The following ZNF724 variants were observed in gnomAD, a reference collection of about 807,000 sequenced individuals.
The protein encoded by ZNF724 is zinc finger protein 724 pseudogene.
ZNF724 carries 14 observed loss-of-function variants against 29.3 expected under a neutral mutation model. That is an observed-to-expected ratio of 0.48 (90% CI 0.32 to 0.75). ZNF724 has a LOEUF of 0.75. Ranked by LOEUF, ZNF724 falls within the 30% of genes least tolerant of loss-of-function variation. ZNF724 has a pLI of 0.04. For missense variants in ZNF724, 557 were observed against 571.2 expected (o/e 0.98, Z 0.25); for synonymous variants, 180 against 193.6 (o/e 0.93, Z 0.58).
At chr19:23,237,014 C>CA (rs1972033358) in intron 1 of ZNF724, among the ~76,000 whole-genome samples, 1 of 151,800 alleles carries the variant, frequency 6.6e-6, no homozygotes, top group East Asian at 1.9e-4. Flanking sequence ...CACCACCCCC[C>CA]GCTAATTTTT....
At chr19:23,243,268 A>C (rs1032283030) in intron 1 of ZNF724, among the ~76,000 whole-genome samples, 1 of 151,566 alleles carries the variant, frequency 6.6e-6, no homozygotes, top group African/African-American at 2.4e-5. Context: ...CCTTGAGGTC[A>C]GGAGCTCCAG....
At chr19:23,227,562 A>C (rs1456895760) in intron 3 of ZNF724, among the ~76,000 whole-genome samples, 3 of 109,082 alleles carry the variant, frequency 2.8e-5, no homozygotes, top group African/African-American at 8.1e-5. Context: ...TCTCAAAAAA[A>C]AAAAAAAACA....
intron 1 of ZNF724, among the ~76,000 whole-genome samples, chr19:23,237,578 T>C (rs1972041777): frequency 6.6e-6 from 1 of 152,026 alleles, no homozygotes; most frequent in African/African-American, 2.4e-5. Flanking sequence ...AAATAAATAT[T>C]GTGGTCTTAT....
intron 1 of ZNF724, among the ~76,000 whole-genome samples, chr19:23,242,187 C>T (rs1000673735): frequency 7.2e-5 from 11 of 152,056 alleles, no homozygotes; most frequent in African/African-American, 1.2e-4. Flanking sequence ...AAGATCTCTA[C>T]GACAACAATT....
intron 1 of ZNF724, among the ~76,000 whole-genome samples, chr19:23,243,328 A>T (rs951965039): frequency 9.3e-5 from 14 of 150,832 alleles, no homozygotes; most frequent in Non-Finnish European, 1.5e-4. Flanking sequence ...AAATACAAAA[A>T]CTAGCCAGGC....
intron 1 of ZNF724, among the ~76,000 whole-genome samples, chr19:23,233,656 A>C (rs963561697): frequency 6.6e-6 from 1 of 152,206 alleles, no homozygotes; most frequent in East Asian, 1.9e-4. Flanking sequence ...CTTGATTATC[A>C]TAAGAATTTT....
In ZNF724 at chr19:23,223,978, C is replaced by T. The variant is rs999436636; in HGVS notation, c.267G>A (p.Gln89=). The change falls in exon 4 of 4, where the codon CAG becomes CAA. Residue 89 remains glutamine (Q), a synonymous_variant. Coordinates refer to ENST00000418100, the MANE Select transcript of ZNF724 (RefSeq NM_001355404.2). ...TTCTTTGCAAAGAAGCTTTTATGCT[C>T]TGCTCTGGCCGAAGGTCTTGGGCAA... ...CYFAQDLRPE[Q]SIKASLQRII... 2 of 704,352 alleles carry T rather than the reference C, an allele frequency of 2.8e-6. No individual in the cohort carries two copies. The highest frequency in any genetic ancestry group is 4.7e-5 in the Admixed American group (2 of 42,604). The allele number at this position is 704,352 out of a possible 1,614,324, so 43.6% of individuals were successfully genotyped here. A position where few individuals can be genotyped will look rare whatever the true frequency, so the allele number is the denominator to read the frequency against.
Position 23,232,034 on chromosome 19 carries a change from G to A in ZNF724, c.130+133C>T, listed in dbSNP as rs1971942939. ...TTACAGGCATAAGCCACCACGCTTG[G>A]CCCCCAAGATTTTCTTAGAAATAGA... On this transcript the variant is annotated intron_variant, in intron 2 of 3. Transcript: ENST00000418100. 15 of 848,442 alleles carry A rather than the reference G, an allele frequency of 1.8e-5. No homozygotes were observed. The South Asian group carries it at 2.1e-4, about 12-fold the overall frequency. 52.6% of individuals were successfully genotyped at this position (848,442 alleles called of 1,614,324 possible).
intron 1 of ZNF724, among the ~76,000 whole-genome samples, chr19:23,249,143 A>G (rs1231998271): frequency 6.6e-6 from 1 of 152,158 alleles, no homozygotes; most frequent in East Asian, 1.9e-4. Flanking sequence ...AAGTCCTTCA[A>G]GCCCCTCTTA....
chr19:23,240,794 G>A (rs1178838995), intron 1 of ZNF724, among the ~76,000 whole-genome samples: 1 of 150,554 alleles, frequency 6.6e-6, no homozygotes, highest in South Asian at 2.1e-4. Flanking sequence ...CACTTTGGGA[G>A]GCCGAGGCAG....
chr19:23,225,899 T>C (rs1054327323), intron 3 of ZNF724, among the ~76,000 whole-genome samples: 1 of 152,038 alleles, frequency 6.6e-6, no homozygotes, highest in African/African-American at 2.4e-5. Flanking sequence ...TCACCCAAGC[T>C]GAAATACAGT....
chr19:23,246,005 A>T (rs550676288), intron 1 of ZNF724, among the ~76,000 whole-genome samples: 8 of 152,062 alleles, frequency 5.3e-5, no homozygotes, highest in Non-Finnish European at 8.8e-5. Context: ...AGGCTAGGAA[A>T]TCTGCAGGGG....
chr19:23,243,854 C>T (rs989014955), intron 1 of ZNF724, among the ~76,000 whole-genome samples: 61 of 149,204 alleles, frequency 4.1e-4, no homozygotes, highest in Middle Eastern at 3.6e-3. Flanking sequence ...ACCCAGGAAG[C>T]GGAGGCTGCA....
chr19:23,223,470 A>G lies in ZNF724; in HGVS notation c.775T>C (p.Cys259Arg), dbSNP rs948916960. ...TGEKSYKREE[C>R]GKAFNISSHL... The stretch of plus-strand genomic sequence containing the variant: ...GAGGATATGTTAAAAGCTTTTCCAC[A>G]TTCTTCACGTTTGTAGGATTTCTCT... Residue 259 changes from cysteine (C) to arginine (R), a missense_variant, in exon 4 of 4, where the codon TGT becomes CGT. Around this residue, in one of 3 missense-constraint regions of ZNF724, gnomAD observed 362 missense variants for 295.5 expected, o/e 1.22. Coordinates refer to ENST00000418100, the MANE Select transcript of ZNF724 (RefSeq NM_001355404.2). The G allele has an allele frequency of 1.3e-6, 1 of 759,740 alleles. No individual in the cohort carries two copies. The highest frequency in any genetic ancestry group is 2.5e-5 in the East Asian group (1 of 40,344). 47.1% of individuals were successfully genotyped at this position (759,740 alleles called of 1,614,324 possible). A position where few individuals can be genotyped will look rare whatever the true frequency, so the allele number is the denominator to read the frequency against.
intron 3 of ZNF724, among the ~76,000 whole-genome samples, chr19:23,224,664 G>A (rs1971793117): frequency 1.3e-5 from 2 of 151,876 alleles, no homozygotes; most frequent in Non-Finnish European, 2.9e-5. Flanking sequence ...GCCTTTAGAA[G>A]TGAACACCCA....
Position 23,222,190 on chromosome 19 carries a change from C to T in ZNF724, c.*195G>A, listed in dbSNP as rs1971727828. ...TTTTACCTACAATCAAGTATGACAA[C>T]CATTTAAAGGTGTTTAGAAATATTG... On this transcript the variant is annotated 3_prime_UTR_variant, in exon 4 of 4. Coordinates refer to ENST00000418100, the MANE Select transcript of ZNF724 (RefSeq NM_001355404.2). 4.1e-6 allele frequency: 2 copies of T among 483,852 alleles called. No individual in the cohort carries two copies. Among genetic ancestry groups the T allele is most frequent in the Admixed American group, 7.3e-5 (2 of 27,356 alleles). The allele number at this position is 483,852 out of a possible 1,614,324, so 30.0% of individuals were successfully genotyped here.
intron 1 of ZNF724, among the ~76,000 whole-genome samples, chr19:23,240,717 TAAA>T (rs34692737): frequency 3.3e-4 from 36 of 108,692 alleles, no homozygotes; most frequent in African/African-American, 9.0e-4. Context: ...GGATTCCACC[TAAA>T]AAAAAAAAAA....
intron 3 of ZNF724, among the ~76,000 whole-genome samples, chr19:23,225,353 C>T (rs1971808251): frequency 6.6e-6 from 1 of 152,040 alleles, no homozygotes; most frequent in Non-Finnish European, 1.5e-5. Flanking sequence ...ATTTGTAATC[C>T]TAGCACTTTG....
intron 1 of ZNF724, among the ~76,000 whole-genome samples, chr19:23,239,641 A>G (rs1426298378): frequency 6.6e-6 from 1 of 151,936 alleles, no homozygotes; most frequent in Non-Finnish European, 1.5e-5. Context: ...TAAATACCTA[A>G]CTCTACTAAA....
Sources: gnomAD v4.1 joint callset for allele counts (sites outside exome capture counted in the v4.1 genomes callset) on GRCh38, gnomAD v4.1.1 for gene constraint, gnomAD v4.1.1 regional missense constraint, MANE v1.5 for transcripts, NCBI Gene and HGNC (gene_info 2026-07-23, HGNC 2026-07-21) for gene names.